The following OGFOD3 variants were observed in gnomAD, a reference collection of about 807,000 sequenced individuals.
The protein encoded by OGFOD3 is 2-oxoglutarate and iron-dependent oxygenase domain-containing protein 3.
OGFOD3 carries 35 observed loss-of-function variants against 39.8 expected under a neutral mutation model. That is an observed-to-expected ratio of 0.88 (90% CI 0.67 to 1.17). The LOEUF (loss-of-function observed/expected upper bound fraction) is 1.17. OGFOD3 is among the 50% of genes most tolerant of loss of function. The pLI is 0.00. For missense variants in OGFOD3, 438 were observed against 454.5 expected, an observed-to-expected ratio of 0.96 and a Z score of 0.33; for synonymous variants, 200 against 192.0, an observed-to-expected ratio of 1.04 and a Z score of -0.34.
chr17:82,395,247 G>C (rs2052653436), intron 8 of OGFOD3, among the ~76,000 whole-genome samples: 1 of 152,124 alleles, frequency 6.6e-6, no homozygotes, highest in African/African-American at 2.4e-5. Flanking sequence ...GGCCAGGCTG[G>C]TCTTGAACTC....
At position 82,392,534 on chromosome 17, in the gene OGFOD3, C is replaced by T. The variant is rs1316427012; in HGVS notation, c.824G>A (p.Gly275Asp). Residue 275 changes from glycine to aspartate, a missense_variant and splice_region_variant, in exon 9 of 9, where the codon GGT (glycine) becomes GAT (aspartate). By Grantham distance (94) the Gly-to-Asp change is moderately conservative. Transcript: ENST00000313056. This position sits in a 1 kb window ranked among gnomAD's most constrained non-coding sequence, Gnocchi z 4.2. Reference protein sequence around the residue: ...GANKTVEPRAGRVSFFTSGSE... With the variant: ...GANKTVEPRADRVSFFTSGSE... ...CCCCGAGGTGAAGAAGGAGACGCGA[C>T]CTGGGAGAGGAGAAGAGAGAGAGGT... 32 of 1,584,050 alleles carry T rather than the reference C, an allele frequency of 2.0e-5. No individual in the cohort carries two copies. Among genetic ancestry groups the T allele is most frequent in the Non-Finnish European group, 2.7e-5 (32 of 1,165,668 alleles).
In OGFOD3 at chr17:82,415,433, C is replaced by G; in HGVS notation, c.269G>C (p.Cys90Ser). The G allele has an allele frequency of 6.2e-7, 1 of 1,614,068 alleles. No homozygotes were observed. Among genetic ancestry groups the G allele is most frequent in the Non-Finnish European group, 8.5e-7 (1 of 1,179,988 alleles). Residue 90 changes from cysteine (C) to serine (S), a missense_variant, in exon 2 of 9, where the codon TGC becomes TCC. Physicochemically the swap from Cys to Ser is moderately radical, Grantham distance 112. Coordinates refer to ENST00000313056, the MANE Select transcript of OGFOD3 (RefSeq NM_024648.3). The surrounding 1 kb of genome is among the most constrained non-coding windows in gnomAD (Gnocchi z 5.3). ...GCGGTGACTGTCGTAGTCCTCAGAG[C>G]AGGGCACCTCGATGAATCTCCCTGC... ...VVAGRFIEVP[C>S]SEDYDSHRRF... is the part of the protein sequence containing the mutation.
chr17:82,401,775 G>T (rs2052767488), intron 7 of OGFOD3, among the ~76,000 whole-genome samples: 3 of 119,284 alleles, frequency 2.5e-5, no homozygotes, highest in African/African-American at 9.4e-5. Flanking sequence ...CAGCACTCCA[G>T]CCTGGGTGGC....
At chr17:82,417,023 G>T (rs6502108) in intron 1 of OGFOD3, among the ~76,000 whole-genome samples, 54,674 of 151,952 alleles carry the variant, frequency 0.36, 11,260 homozygotes, top group East Asian at 0.69. Context: ...ACAAAAACTG[G>T]TACTCGGTAT....
At chr17:82,395,417 A>G (rs2052656039) in intron 8 of OGFOD3, among the ~76,000 whole-genome samples, 1 of 152,218 alleles carries the variant, frequency 6.6e-6, no homozygotes. Context: ...GTGAGTCCCA[A>G]CAGTGAGTCA....
At chr17:82,408,323 C>T (rs1029690975) in intron 4 of OGFOD3, among the ~76,000 whole-genome samples, 5 of 152,144 alleles carry the variant, frequency 3.3e-5, no homozygotes, top group African/African-American at 7.2e-5. Context: ...TAATTCAAAG[C>T]GATCACCAAA....
rs947172906 is a variant in OGFOD3 at position 82,404,238 on chromosome 17, C to G, written c.546-148G>C. On this transcript the variant is annotated intron_variant, in intron 6 of 8. Coordinates refer to ENST00000313056, the MANE Select transcript of OGFOD3 (RefSeq NM_024648.3). This position sits in a 1 kb window ranked among gnomAD's most constrained non-coding sequence, Gnocchi z 4.5. ...CTCCCAAGCACACCGGGAACAGATA[C>G]CGGCTCCGCCTGGGAACGACGCGGC... is the stretch of plus-strand genomic sequence containing the variant. 162 of 898,954 alleles carry G rather than the reference C, an allele frequency of 1.8e-4. No homozygotes were observed. The highest frequency in any genetic ancestry group is 2.5e-4 in the Non-Finnish European group (153 of 611,618). The allele number at this position is 898,954 out of a possible 1,614,324, so 55.7% of individuals were successfully genotyped here. A position where few individuals can be genotyped will look rare whatever the true frequency, so the allele number is the denominator to read the frequency against.
chr17:82,399,244 A>G (rs1397746858), intron 7 of OGFOD3, among the ~76,000 whole-genome samples: 1 of 152,184 alleles, frequency 6.6e-6, no homozygotes, highest in Admixed American at 6.5e-5. Flanking sequence ...AGCCTCATGC[A>G]TTGTTGCCCA....
rs757597212 is a variant in OGFOD3, at chr17:82,389,705, A to G, written c.*2693T>C. The G allele has an allele frequency of 1.7e-4, 26 of 152,102 alleles. No homozygotes were observed. Among genetic ancestry groups the G allele is most frequent in the Non-Finnish European group, 3.1e-4 (21 of 68,046 alleles). 9.4% of individuals were successfully genotyped at this position (152,102 alleles called of 1,614,324 possible). A position where few individuals can be genotyped will look rare whatever the true frequency, so the allele number is the denominator to read the frequency against. ...TTTCTTGTACAGACAGCGTCTCACT[A>G]TGTTGCACAGATGGGTCTCCAACTC... On this transcript the variant is annotated 3_prime_UTR_variant, in exon 9 of 9. Transcript: ENST00000313056. The surrounding 1 kb of genome is among the most constrained non-coding windows in gnomAD (Gnocchi z 4.6).
chr17:82,411,547 A>C lies in OGFOD3; in HGVS notation c.305-17T>G, dbSNP rs200780779. ...GAGTGCAGCCTGTGAAGGGACAGCC[A>C]GGGTGAGACGCAGTTTCCAAGGCCA... On this transcript the variant is annotated splice_polypyrimidine_tract_variant and intron_variant, in intron 2 of 8. Coordinates refer to ENST00000313056, the MANE Select transcript of OGFOD3 (RefSeq NM_024648.3). 2.5e-6 allele frequency: 4 copies of C among 1,612,598 alleles called. No homozygotes were observed. Among genetic ancestry groups the C allele is most frequent in the Non-Finnish European group, 2.5e-6 (3 of 1,178,696 alleles).
chr17:82,411,364 A>C, intron 3 of OGFOD3, 91 bp downstream of exon 3: 1 of 1,207,734 alleles, frequency 8.3e-7, no homozygotes, highest in South Asian at 1.3e-5. Flanking sequence ...CCTTAAAACC[A>C]CTTTATTACT....
chr17:82,416,857 T>C (rs1175832018), intron 1 of OGFOD3, among the ~76,000 whole-genome samples: 1 of 151,826 alleles, frequency 6.6e-6, no homozygotes. Context: ...TTTTTAGTAA[T>C]AGAGACGGGG....
chr17:82,418,519 G>C lies in OGFOD3; in HGVS notation c.-34C>G. 1 of 1,273,614 alleles carries C rather than the reference G, an allele frequency of 7.9e-7. No homozygotes were observed. The highest frequency in any genetic ancestry group is 1.0e-6 in the Non-Finnish European group (1 of 995,906). The allele number at this position is 1,273,614 out of a possible 1,614,324, so 78.9% of individuals were successfully genotyped here. On this transcript the variant is annotated 5_prime_UTR_variant, in exon 1 of 9. Coordinates refer to ENST00000313056, the MANE Select transcript of OGFOD3 (RefSeq NM_024648.3). ...GCCGCCGCGGAGCCGGGCCGGACGC[G>C]GGCGCCAGGCCCGGGGACGAACGCC... is the stretch of plus-strand genomic sequence containing the variant.
chr17:82,411,666 C>T, intron 2 of OGFOD3, 136 bp from the exon 3 acceptor site: 1 of 664,228 alleles, frequency 1.5e-6, no homozygotes, highest in South Asian at 1.8e-5. Flanking sequence ...AGCTCTCCAG[C>T]GTGCATGCGC....
intron 5 of OGFOD3, among the ~76,000 whole-genome samples, 157 bp from the exon 6 acceptor site, chr17:82,405,537 G>A (rs534469038): frequency 2.0e-5 from 3 of 152,240 alleles, no homozygotes; most frequent in South Asian, 2.1e-4. Flanking sequence ...GAGCCGGGCC[G>A]GGCGCAGTGG....
intron 8 of OGFOD3, among the ~76,000 whole-genome samples, chr17:82,395,714 G>T (rs974678056): frequency 1.3e-5 from 2 of 152,180 alleles, no homozygotes; most frequent in Non-Finnish European, 2.9e-5. Flanking sequence ...CCAGCTACTC[G>T]GGAGGCTGAG....
intron 8 of OGFOD3, among the ~76,000 whole-genome samples, chr17:82,397,628 A>G (rs1421063570): frequency 6.6e-6 from 1 of 151,682 alleles, no homozygotes; most frequent in Non-Finnish European, 1.5e-5. Context: ...GGAGCAGAGG[A>G]TGACTGTCCG....
chr17:82,398,087 C>T (rs557251159), intron 8 of OGFOD3, 109 bp downstream of exon 8: 2 of 1,373,748 alleles, frequency 1.5e-6, no homozygotes, highest in East Asian at 2.3e-5. Flanking sequence ...GCCCGGCACA[C>T]AGCAGATGCT....
chr17:82,409,209 C>G (rs551466680), intron 4 of OGFOD3, among the ~76,000 whole-genome samples, 159 bp downstream of exon 4: 1 of 152,204 alleles, frequency 6.6e-6, no homozygotes, highest in East Asian at 1.9e-4. Context: ...TTCAGTCAGG[C>G]GCAGCTGCTG....
Sources: gnomAD v4.1 joint callset for allele counts (sites outside exome capture counted in the v4.1 genomes callset) on GRCh38, gnomAD v4.1.1 for gene constraint, Gnocchi (gnomAD v3.1) non-coding constraint, MANE v1.5 for transcripts, NCBI Gene and HGNC (gene_info 2026-07-23, HGNC 2026-07-21) for gene names.